Variants in UROC1 observed in about 807,000 individuals in gnomAD.
UROC1 encodes urocanate hydratase 1.
A neutral mutation model predicts 89.5 loss-of-function variants in UROC1; 79 were observed. That is an observed-to-expected ratio of 0.88 (90% CI 0.74 to 1.06). The LOEUF (loss-of-function observed/expected upper bound fraction) is 1.06. Ranked by LOEUF, UROC1 falls within the 50% of genes least tolerant of loss-of-function variation. The pLI, the probability that UROC1 is intolerant of heterozygous loss-of-function variation, is 0.00. For missense variants in UROC1, 885 were observed against 907.8 expected, an observed-to-expected ratio of 0.97 and a Z score of 0.32; for synonymous variants, 361 against 354.8, an observed-to-expected ratio of 1.02 and a Z score of -0.20.
intron 18 of UROC1, among the ~76,000 whole-genome samples, chr3:126,487,989 G>A (rs1436234444): frequency 6.6e-6 from 1 of 152,240 alleles, no homozygotes; most frequent in Non-Finnish European, 1.5e-5. Flanking sequence ...GAGACCCAGA[G>A]AGGTGGGGTG....
rs202033813 is a variant in UROC1 at position 126,482,377 on chromosome 3, C to G, written c.1999G>C (p.Glu667Gln). 4 of 1,613,702 alleles carry G rather than the reference C, an allele frequency of 2.5e-6. No homozygotes were observed. The highest frequency in any genetic ancestry group is 2.2e-5 in the South Asian group (2 of 91,050). Residue 667 changes from glutamate to glutamine, a missense_variant, in exon 20 of 20, where the codon GAG becomes CAG. Coordinates refer to ENST00000290868, the MANE Select transcript of UROC1 (RefSeq NM_144639.3). ...TGCAGGGCCTGCTGGAGCACCCGCT[C>G]GTCCTCCACCTTGTGAGGCAGTGTC... Reference protein sequence around the residue: ...VVTLPHKVEDERVLQQALQL With the variant: ...VVTLPHKVEDQRVLQQALQL
rs76836435 is a variant in UROC1, at chr3:126,492,766, G to C, written c.1510-250C>G. ...ATGTCCACTGTAGTCTGGGCCTCCA[G>C]ACACCTCCCCCAATCCCAGATTATC... On this transcript the variant is annotated intron_variant, in intron 15 of 19. Transcript: ENST00000290868. Among the ~76,000 whole-genome samples, 89 of 152,258 alleles carry C rather than the reference G, an allele frequency of 5.8e-4. 7 individuals carry two copies. In the East Asian group the frequency reaches 0.017, roughly 30 times the overall value.
At chr3:126,502,239 G>T (rs907615788) in intron 9 of UROC1, among the ~76,000 whole-genome samples, 1 of 151,824 alleles carries the variant, frequency 6.6e-6, no homozygotes, top group Non-Finnish European at 1.5e-5. Flanking sequence ...GTGTGTGCAT[G>T]TGTCTGTGTG....
At chr3:126,514,558 T>C (rs1401279468) in intron 1 of UROC1, among the ~76,000 whole-genome samples, 1 of 151,980 alleles carries the variant, frequency 6.6e-6, no homozygotes, top group Non-Finnish European at 1.5e-5. Flanking sequence ...CGTTAGTTCA[T>C]CCAAATAATG....
At chr3:126,512,947 T>C (rs1381431022) in intron 1 of UROC1, among the ~76,000 whole-genome samples, 1 of 152,192 alleles carries the variant, frequency 6.6e-6, no homozygotes, top group Non-Finnish European at 1.5e-5. Flanking sequence ...AGAATAAATA[T>C]GTGTTGTTTT....
intron 1 of UROC1, among the ~76,000 whole-genome samples, chr3:126,514,906 C>T (rs2107552555): frequency 6.6e-6 from 1 of 152,156 alleles, no homozygotes; most frequent in East Asian, 1.9e-4. Flanking sequence ...CACTTTTATA[C>T]ATTCGATTTC....
chr3:126,490,628 T>C (rs1167446704), intron 16 of UROC1, among the ~76,000 whole-genome samples: 1 of 150,446 alleles, frequency 6.6e-6, no homozygotes, highest in Non-Finnish European at 1.5e-5. Context: ...GAGGTTGCAG[T>C]GAGCTGAGAC....
At chr3:126,516,888 A>C (rs1936341718) in intron 1 of UROC1, among the ~76,000 whole-genome samples, 1 of 151,498 alleles carries the variant, frequency 6.6e-6, no homozygotes, top group Admixed American at 6.6e-5. Context: ...GCTTGTTTGC[A>C]GTTTCCACTT....
chr3:126,504,415 A>G (rs372313166), intron 8 of UROC1, among the ~76,000 whole-genome samples: 24 of 152,334 alleles, frequency 1.6e-4, no homozygotes, highest in Middle Eastern at 3.4e-3. Flanking sequence ...CCAATGAGAT[A>G]AAAGGAGAGG....
chr3:126,504,688 C>A (rs978273995), intron 8 of UROC1, among the ~76,000 whole-genome samples: 1 of 152,208 alleles, frequency 6.6e-6, no homozygotes, highest in African/African-American at 2.4e-5. Flanking sequence ...TGGTGCACTC[C>A]TAACAAGCAC....
intron 2 of UROC1, 47 bp downstream of exon 2, chr3:126,510,617 G>A (rs761053574): frequency 6.2e-7 from 1 of 1,608,420 alleles, no homozygotes; most frequent in Admixed American, 1.7e-5. Flanking sequence ...CCTTGCGGGA[G>A]CTGCCTGCCC....
At chr3:126,517,144 C>G (rs997696203) in intron 1 of UROC1, among the ~76,000 whole-genome samples, 23 of 152,186 alleles carry the variant, frequency 1.5e-4, no homozygotes, top group African/African-American at 5.5e-4. Context: ...CTTTCCCTGG[C>G]AACTGCCTGC....
At chr3:126,487,880 T>G (rs914087495) in intron 18 of UROC1, among the ~76,000 whole-genome samples, 4 of 152,156 alleles carry the variant, frequency 2.6e-5, no homozygotes, top group Admixed American at 1.3e-4. Flanking sequence ...ACATGGAAAC[T>G]GACATGCTGG....
intron 1 of UROC1, among the ~76,000 whole-genome samples, chr3:126,515,375 CTACCCGCCCCCGTCCAGGACCCACCACT>C (rs1936279741): frequency 6.6e-6 from 1 of 151,434 alleles, no homozygotes; most frequent in South Asian, 2.1e-4. Flanking sequence ...TACCCACCAC[CTACCCGCCCCCGTCCAGGACCCACCACT>C]TACCAGCCTC....
intron 9 of UROC1, among the ~76,000 whole-genome samples, chr3:126,501,611 G>C (rs1237634228): frequency 6.6e-6 from 1 of 152,222 alleles, no homozygotes; most frequent in Non-Finnish European, 1.5e-5. Flanking sequence ...CACCCAAGGT[G>C]GTCCCAGAGT....
chr3:126,505,787 C>A lies in UROC1; in HGVS notation c.727G>T (p.Val243Phe). ...CCGCCGAGCCCAGAGGTGACAAAGA[C>A]CTTCCCAGCCAAGTCCTCGATGCCC... ...YLGIEDLAGK[V>F]FVTSGLGGMS... The change falls in exon 8 of 20, where the codon GTC becomes TTC. Residue 243 changes from valine (V) to phenylalanine (F), a missense_variant. Transcript: ENST00000290868. 3 of 1,613,982 alleles carry A rather than the reference C, an allele frequency of 1.9e-6. No homozygotes were observed. Among genetic ancestry groups the A allele is most frequent in the Non-Finnish European group, 2.5e-6 (3 of 1,180,030 alleles).
In UROC1 at chr3:126,509,058, T is replaced by C. The variant is rs192035984; in HGVS notation, c.351+527A>G. On this transcript the variant is annotated intron_variant, in intron 3 of 19. Transcript: ENST00000290868. ...AAATATCTCATTAATAATGTTTATATAGATTACATGTTAAAATAATAATAT... is the reference window on the plus strand; with the variant it reads ...AAATATCTCATTAATAATGTTTATACAGATTACATGTTAAAATAATAATAT... 1.5e-3 allele frequency among the ~76,000 whole-genome samples: 231 copies of C among 152,164 alleles called. 1 individual carries two copies. Among genetic ancestry groups the C allele is most frequent in the African/African-American group, 5.3e-3 (219 of 41,520 alleles).
Position 126,496,121 on chromosome 3 carries a change from G to A in UROC1, c.1439-13C>T. Reference sequence around the variant, plus strand: ...ACAGACACCTTCACTGCAGGAGAGAGGACAGCAGGCGTCAGAGACCCTCCA... The same window carrying A: ...ACAGACACCTTCACTGCAGGAGAGAAGACAGCAGGCGTCAGAGACCCTCCA... On this transcript the variant is annotated splice_polypyrimidine_tract_variant and intron_variant, in intron 14 of 19. Transcript: ENST00000290868. 6.2e-7 allele frequency: 1 copy of A among 1,611,760 alleles called. No individual in the cohort carries two copies. The highest frequency in any genetic ancestry group is 2.2e-5 in the East Asian group (1 of 44,852).
At chr3:126,505,526 C>T (rs916479557) in intron 8 of UROC1, among the ~76,000 whole-genome samples, 175 bp downstream of exon 8, 2 of 151,980 alleles carry the variant, frequency 1.3e-5, no homozygotes, top group Non-Finnish European at 2.9e-5. Context: ...TTATGCCGCC[C>T]ATGGGAACCC....
Sources: allele counts gnomAD v4.1 joint callset (sites outside exome capture counted in the v4.1 genomes callset), GRCh38; gene constraint gnomAD v4.1.1; transcripts MANE v1.5; gene names NCBI Gene and HGNC (gene_info 2026-07-23, HGNC 2026-07-21).